Variants in UBN2 observed in about 807,000 individuals in gnomAD.
UBN2 encodes the protein ubinuclein-2.
Under a neutral mutation model 120.2 loss-of-function variants are expected in UBN2, and 35 were observed. The ratio of observed to expected loss-of-function variants is 0.29; its 90% confidence interval spans 0.22 to 0.39. UBN2 has a LOEUF of 0.39. UBN2 is among the 10% of genes least tolerant of loss of function. The pLI is 1.00. For synonymous variants in UBN2, 661 were observed against 648.7 expected (o/e 1.02, Z -0.29); for missense variants, 1,693 against 1,663.2 (o/e 1.02, Z -0.31).
At chr7:139,269,271 A>C (rs1461245086) in intron 7 of UBN2, 123 bp from the exon 8 acceptor site, 2 of 912,978 alleles carry the variant, frequency 2.2e-6, no homozygotes. Context: ...TTCCATGAAG[A>C]ATACTGTTTA....
At chr7:139,297,363 G>A (rs1451029721) in intron 17 of UBN2, among the ~76,000 whole-genome samples, 2 of 151,484 alleles carry the variant, frequency 1.3e-5, no homozygotes, top group Non-Finnish European at 2.9e-5. Context: ...CTGTGTCCTG[G>A]CAAGAAATTT....
chr7:139,265,247 G>A (rs1245803699), intron 6 of UBN2, among the ~76,000 whole-genome samples: 2 of 152,050 alleles, frequency 1.3e-5, no homozygotes, highest in African/African-American at 4.8e-5. Flanking sequence ...TGTAATCCCA[G>A]CACTTTGGGA....
chr7:139,266,109 A>G (rs1198258475), intron 6 of UBN2, among the ~76,000 whole-genome samples: 2 of 149,676 alleles, frequency 1.3e-5, no homozygotes, highest in African/African-American at 4.9e-5. Flanking sequence ...TGTTTATTGC[A>G]GCAGGGCACA....
chr7:139,261,905 T>G (rs55825406), intron 6 of UBN2, among the ~76,000 whole-genome samples, 164 bp downstream of exon 6: 12,306 of 151,530 alleles, frequency 0.081, 884 homozygotes, highest in Admixed American at 0.21. Context: ...ACTTTTTATT[T>G]GCCATGTTTC....
chr7:139,278,213 G>A (rs892354259), intron 12 of UBN2, among the ~76,000 whole-genome samples: 7 of 123,786 alleles, frequency 5.7e-5, no homozygotes, highest in South Asian at 5.0e-4. Flanking sequence ...ATGGAGTCTT[G>A]CTCTGTCGCC....
At chr7:139,252,825 ATTAAG>A (rs1796657253) in intron 3 of UBN2, among the ~76,000 whole-genome samples, 1 of 152,238 alleles carries the variant, frequency 6.6e-6, no homozygotes, top group Non-Finnish European at 1.5e-5. Flanking sequence ...GCTGAAAAAC[ATTAAG>A]TTAAGCTAGT....
Position 139,306,366 on chromosome 7 carries a change from C to A in UBN2, c.*8530C>A, listed in dbSNP as rs904717996. The A allele has an allele frequency of 6.6e-6, 1 of 152,150 alleles. No homozygotes were observed. 9.4% of individuals were successfully genotyped at this position (152,150 alleles called of 1,614,324 possible). On this transcript the variant is annotated 3_prime_UTR_variant, in exon 18 of 18. Transcript: ENST00000473989. The stretch of plus-strand genomic sequence containing the variant: ...AGAAAATTGGGTTTTCTTTACTATA[C>A]CTGCAAAATTACCAAGGGTTACCCC...
intron 14 of UBN2, among the ~76,000 whole-genome samples, chr7:139,282,499 A>G (rs1047944274): frequency 6.6e-6 from 1 of 152,174 alleles, no homozygotes; most frequent in Non-Finnish European, 1.5e-5. Context: ...GCTTGGATTG[A>G]ATCGTCTGCC....
chr7:139,280,621 C>G (rs1289813688), intron 13 of UBN2, among the ~76,000 whole-genome samples: 1 of 151,920 alleles, frequency 6.6e-6, no homozygotes, highest in East Asian at 1.9e-4. Context: ...TCTTTAAATG[C>G]AGGGTAAATA....
At chr7:139,266,249 A>C in intron 6 of UBN2, 84 bp from the exon 7 acceptor site, 1 of 899,416 alleles carries the variant, frequency 1.1e-6, no homozygotes, top group Non-Finnish European at 1.7e-6. Flanking sequence ...AAAAAAAGAA[A>C]AAAACCTTTG....
chr7:139,328,941 C>A, the UBN2 span, among the ~76,000 whole-genome samples: 12 of 151,820 alleles, frequency 7.9e-5, no homozygotes, highest in Non-Finnish European at 8.8e-5. Context: ...TTTTTAGCAG[C>A]AATTTAAAAA....
chr7:139,271,782 A>T (rs1308880040), intron 8 of UBN2, among the ~76,000 whole-genome samples: 1 of 152,166 alleles, frequency 6.6e-6, no homozygotes. Context: ...CATGAATAAG[A>T]GTTTTTGGGT....
rs1355124070 is a variant in UBN2, at chr7:139,282,032, C to T, written c.2095C>T (p.His699Tyr). ...KEVMVKTLPL[H>Y]SFPTMLKECS... ...GGTGATGGTAAAGACCCTTCCTCTC[C>T]ATTCTTTCCCCACTATGCTTAAGGT... The change falls in exon 14 of 18, where the codon CAT (histidine) becomes TAT (tyrosine). Residue 699 changes from histidine (H) to tyrosine (Y), a missense_variant. This residue lies in a region of UBN2 where 837 missense variants were observed against 817.6 expected (regional missense o/e 1.02). Transcript: ENST00000473989. The T allele has an allele frequency of 1.2e-6, 2 of 1,613,296 alleles. No homozygotes were observed. Among genetic ancestry groups the T allele is most frequent in the East Asian group, 2.2e-5 (1 of 44,776 alleles).
rs957174451 is a variant in UBN2 at position 139,299,563 on chromosome 7, A to C, written c.*1727A>C. Reference sequence around the variant, plus strand: ...AATAACTGAAAACTTTAGTTCCAAGAACTTGTTACAGTAAAGGGAAAGGAT... The same window carrying C: ...AATAACTGAAAACTTTAGTTCCAAGCACTTGTTACAGTAAAGGGAAAGGAT... On this transcript the variant is annotated 3_prime_UTR_variant, in exon 18 of 18. Coordinates refer to ENST00000473989, the MANE Select transcript of UBN2 (RefSeq NM_173569.4). 2 of 152,206 alleles carry C rather than the reference A, an allele frequency of 1.3e-5. No homozygotes were observed. Among genetic ancestry groups the C allele is most frequent in the Non-Finnish European group, 2.9e-5 (2 of 68,036 alleles). 9.4% of individuals were successfully genotyped at this position (152,206 alleles called of 1,614,324 possible). A position where few individuals can be genotyped will look rare whatever the true frequency, so the allele number is the denominator to read the frequency against.
rs1025163636 is a variant in UBN2 at position 139,231,592 on chromosome 7, C to T, written c.108C>T (p.Pro36=). 7.2e-7 allele frequency: 1 copy of T among 1,389,972 alleles called. No homozygotes were observed. The highest frequency in any genetic ancestry group is 2.6e-5 in the Admixed American group (1 of 38,074). The allele number at this position is 1,389,972 out of a possible 1,614,324, so 86.1% of individuals were successfully genotyped here. ...AGCCCGAGTACCCCCGCGAGCCCCC[C>T]CGGCTGGAGCCGCAGCCGTACCGCG... The part of the protein sequence containing the change: ...EREPEYPREP[P]RLEPQPYREP... Residue 36 remains proline, a synonymous_variant, in exon 1 of 18, where the codon CCC becomes CCT. Coordinates refer to ENST00000473989, the MANE Select transcript of UBN2 (RefSeq NM_173569.4).
chr7:139,275,277 C>CAAAAAAAAAAAAAAA (rs758714682), intron 11 of UBN2, among the ~76,000 whole-genome samples: 1 of 44,878 alleles, frequency 2.2e-5, no homozygotes. Context: ...AACTCTGTCT[C>CAAAAAAAAAAAAAAA]AAAAAAAAAA....
intron 5 of UBN2, 36 bp downstream of exon 5, chr7:139,259,406 C>A: frequency 6.2e-7 from 1 of 1,607,956 alleles, no homozygotes. Flanking sequence ...GAACTGGCGT[C>A]ACAGTCTGAC....
intron 2 of UBN2, among the ~76,000 whole-genome samples, chr7:139,251,394 A>G (rs1266460097): frequency 6.6e-6 from 1 of 152,124 alleles, no homozygotes; most frequent in African/African-American, 2.4e-5. Context: ...GGATTTTACT[A>G]GTTTTCTCCT....
Position 139,231,725 on chromosome 7 carries a change from G to A in UBN2, c.241G>A (p.Glu81Lys). ...CCCCCAGCGCGAGGTCAGCCGCGCCGAGCCGCCCATGTCGCTGCAGCGGGA... is the reference window on the plus strand; with the variant it reads ...CCCCCAGCGCGAGGTCAGCCGCGCCAAGCCGCCCATGTCGCTGCAGCGGGA... ...PLPQREVSRA[E>K]PPMSLQREPP... Residue 81 changes from glutamate to lysine, a missense_variant, in exon 1 of 18, where the codon GAG becomes AAG. Transcript: ENST00000473989. 1.7e-6 allele frequency: 2 copies of A among 1,187,820 alleles called. No homozygotes were observed. Among genetic ancestry groups the A allele is most frequent in the Non-Finnish European group, 2.1e-6 (2 of 963,040 alleles). 73.6% of individuals were successfully genotyped at this position (1,187,820 alleles called of 1,614,324 possible).
Sources: gnomAD v4.1 joint callset for allele counts (sites outside exome capture counted in the v4.1 genomes callset) on GRCh38, gnomAD v4.1.1 for gene constraint, gnomAD v4.1.1 regional missense constraint, MANE v1.5 for transcripts, NCBI Gene and HGNC (gene_info 2026-07-23, HGNC 2026-07-21) for gene names.